Variants in RBMS3 observed in about 807,000 individuals in gnomAD.
RBMS3 encodes RNA binding motif single stranded interacting protein 3.
In RBMS3, 27 loss-of-function variants were observed where a neutral mutation model predicts 66.8. The ratio of observed to expected loss-of-function variants is 0.40; its 90% CI spans 0.30 to 0.56. The LOEUF (loss-of-function observed/expected upper bound fraction) is 0.56. RBMS3 is among the 20% of genes least tolerant of loss of function. RBMS3 has a pLI of 0.40. For missense variants in RBMS3, 513 were observed against 549.5 expected, an observed-to-expected ratio of 0.93 and a Z score of 0.66; for synonymous variants, 188 against 183.0, an observed-to-expected ratio of 1.03 and a Z score of -0.22.
intron 10 of RBMS3, chr3:29,934,175 T>C (rs1159526560): frequency 6.6e-6 from 1 of 152,240 alleles, no homozygotes; most frequent in East Asian, 1.9e-4. Flanking sequence ...TCTGGGATTG[T>C]GACAGTTTAG....
At chr3:29,696,995 AC>A in intron 4 of RBMS3, 1 of 985,226 alleles carries the variant, frequency 1.0e-6, no homozygotes. Flanking sequence ...TTTCTCCAAA[AC>A]TTCTAACTTG....
chr3:29,839,268 C>T (rs1423246477), intron 6 of RBMS3, among the ~76,000 whole-genome samples: 1 of 152,130 alleles, frequency 6.6e-6, no homozygotes, highest in Non-Finnish European at 1.5e-5. Flanking sequence ...CAAAGAATTT[C>T]CTGACAGCAG....
intron 4 of RBMS3, among the ~76,000 whole-genome samples, chr3:29,704,767 G>T (rs188770544): frequency 6.6e-6 from 1 of 152,162 alleles, no homozygotes; most frequent in South Asian, 2.1e-4. Context: ...TTAAAAAATT[G>T]TTAGATAGAA....
At chr3:29,685,954 AG>A (rs200493395) in intron 4 of RBMS3, among the ~76,000 whole-genome samples, 2,484 of 152,284 alleles carry the variant, frequency 0.016, 62 homozygotes, top group African/African-American at 0.052. Flanking sequence ...TTTACCAACA[AG>A]TCTTCCAAAG....
intron 2 of RBMS3, among the ~76,000 whole-genome samples, chr3:29,469,495 ATTAT>A (rs2042646708): frequency 6.6e-6 from 1 of 151,970 alleles, no homozygotes; most frequent in Admixed American, 6.6e-5. Flanking sequence ...TAAGTTGTGA[ATTAT>A]TTGTTTAATG....
At chr3:30,001,003 C>A (rs1006983834) in intron 14 of RBMS3, among the ~76,000 whole-genome samples, 3 of 151,000 alleles carry the variant, frequency 2.0e-5, no homozygotes, top group African/African-American at 7.3e-5. Context: ...CAAACCTGCA[C>A]GTTCTGCATA....
chr3:29,662,013 C>T (rs79174090), intron 4 of RBMS3, among the ~76,000 whole-genome samples: 2,185 of 152,298 alleles, frequency 0.014, 35 homozygotes, highest in African/African-American at 0.042. Flanking sequence ...TTACAACCAA[C>T]AGTCCTATTT....
chr3:29,857,257 G>A (rs545084337), intron 6 of RBMS3, among the ~76,000 whole-genome samples: 1 of 152,280 alleles, frequency 6.6e-6, no homozygotes, highest in African/African-American at 2.4e-5. Flanking sequence ...ACCTGAGTTG[G>A]AGTTCAGTCT....
chr3:29,388,816 G>A lies in RBMS3; in HGVS notation c.76-45927G>A, dbSNP rs961938654. 5.9e-5 allele frequency among the ~76,000 whole-genome samples: 9 copies of A among 152,240 alleles called. No homozygotes were observed. The South Asian group carries it at 1.7e-3, about 28-fold the overall frequency. On this transcript the variant is annotated intron_variant, in intron 1 of 14. Coordinates refer to ENST00000383767, the MANE Select transcript of RBMS3 (RefSeq NM_001003793.3). ...CCTGACCTCGTGATCCGCCCGCCTTGGCCTCCCAAAGTGCTGGGATTACAG... is the reference window on the plus strand; with the variant it reads ...CCTGACCTCGTGATCCGCCCGCCTTAGCCTCCCAAAGTGCTGGGATTACAG...
intron 2 of RBMS3, among the ~76,000 whole-genome samples, chr3:29,460,342 T>A (rs1024469429): frequency 2.6e-5 from 4 of 152,246 alleles, no homozygotes; most frequent in African/African-American, 4.8e-5. Flanking sequence ...TTCCACATAG[T>A]AAGCATAGAT....
At chr3:29,628,440 G>C (rs1457644959) in intron 4 of RBMS3, among the ~76,000 whole-genome samples, 1 of 152,038 alleles carries the variant, frequency 6.6e-6, no homozygotes, top group East Asian at 1.9e-4. Flanking sequence ...AACTTCAGAG[G>C]GGCCTTGTGG....
Position 29,623,104 on chromosome 3 carries a change from C to CAAA in RBMS3, c.399+35910_399+35912dup, listed in dbSNP as rs397875682. Among the ~76,000 whole-genome samples the CAAA allele has an allele frequency of 2.5e-4, 21 of 83,710 alleles. 1 individual carries two copies. Among genetic ancestry groups the CAAA allele is most frequent in the South Asian group, 2.4e-3 (7 of 2,916 alleles). The allele number at this position is 83,710 out of a possible 152,430, so 54.9% of individuals were successfully genotyped here. ...TCAGCCTGGGAGAAAGACTCCCTCTCAAAAAAAAAAAAAGGAGTCCCTATT... is the reference window on the plus strand; with the variant it reads ...TCAGCCTGGGAGAAAGACTCCCTCTCAAAAAAAAAAAAAAAAGGAGTCCCTATT... On this transcript the variant is annotated intron_variant, in intron 4 of 14. Coordinates refer to ENST00000383767, the MANE Select transcript of RBMS3 (RefSeq NM_001003793.3).
At chr3:29,656,998 G>A (rs765693223) in intron 4 of RBMS3, among the ~76,000 whole-genome samples, 9 of 152,146 alleles carry the variant, frequency 5.9e-5, no homozygotes, top group African/African-American at 1.9e-4. Context: ...TAGCAAACGC[G>A]ATAAGAATGC....
At chr3:29,400,236 C>G (rs947578075) in intron 1 of RBMS3, among the ~76,000 whole-genome samples, 21 of 152,132 alleles carry the variant, frequency 1.4e-4, no homozygotes, top group African/African-American at 5.1e-4. Flanking sequence ...TTCACAAGCA[C>G]TGTGCTGACA....
chr3:29,427,708 C>A (rs1027503154), intron 1 of RBMS3, among the ~76,000 whole-genome samples: 2 of 152,058 alleles, frequency 1.3e-5, no homozygotes, highest in Admixed American at 1.3e-4. Flanking sequence ...AAAAAGAGTA[C>A]AAATTCTATT....
intron 4 of RBMS3, among the ~76,000 whole-genome samples, chr3:29,729,245 G>A (rs1489492661): frequency 6.8e-6 from 1 of 147,308 alleles, no homozygotes; most frequent in Non-Finnish European, 1.5e-5. Flanking sequence ...TGCGGTGTTT[G>A]GTTTTCTGTT....
At chr3:29,582,233 C>T (rs2047358960) in intron 3 of RBMS3, among the ~76,000 whole-genome samples, 1 of 152,012 alleles carries the variant, frequency 6.6e-6, no homozygotes, top group South Asian at 2.1e-4. Context: ...TCTACAGTCA[C>T]CAGGCTTGTA....
At chr3:29,846,757 G>A (rs916206183) in intron 6 of RBMS3, among the ~76,000 whole-genome samples, 2 of 152,090 alleles carry the variant, frequency 1.3e-5, no homozygotes, top group Non-Finnish European at 2.9e-5. Context: ...TTTTACTTCA[G>A]AGTCAAAAAC....
At chr3:29,708,103 T>A (rs2052992510) in intron 4 of RBMS3, among the ~76,000 whole-genome samples, 3 of 152,200 alleles carry the variant, frequency 2.0e-5, no homozygotes, top group Admixed American at 1.3e-4. Context: ...CCCTGCTGAT[T>A]GACAGCGATA....
Sources: gnomAD v4.1 joint callset for allele counts (sites outside exome capture counted in the v4.1 genomes callset) on GRCh38, gnomAD v4.1.1 for gene constraint, MANE v1.5 for transcripts, NCBI Gene and HGNC (gene_info 2026-07-23, HGNC 2026-07-21) for gene names.